Variants in RNF114 observed in about 807,000 individuals in gnomAD.
RNF114 encodes ring finger protein 114.
RNF114 carries 6 observed loss-of-function variants against 28.4 expected under a neutral mutation model. The observed-to-expected ratio is 0.21, with a 90% CI of 0.12 to 0.42. RNF114 has a LOEUF of 0.42. RNF114 is among the 10% of genes least tolerant of loss of function. The pLI is 1.00. For missense variants in RNF114, 249 were observed against 311.7 expected, an observed-to-expected ratio of 0.80 and a Z score of 1.51; for synonymous variants, 115 against 116.7, an observed-to-expected ratio of 0.99 and a Z score of 0.09.
At chr20:49,952,029 G>A in intron 5 of RNF114, 47 bp from the exon 6 acceptor site, 1 of 1,527,704 alleles carries the variant, frequency 6.5e-7, no homozygotes, top group Non-Finnish European at 9.1e-7. Context: ...GCCAGTCTTT[G>A]CATCTAGAAA....
intron 1 of RNF114, chr20:49,940,970 A>C (rs983894353): frequency 2.6e-5 from 4 of 151,748 alleles, no homozygotes; most frequent in African/African-American, 7.3e-5. Context: ...CAAACTCCTG[A>C]CCTCGTGATC....
rs1393320726 is a variant in RNF114 at position 49,952,266 on chromosome 20, G to C, written c.*125G>C. The C allele has an allele frequency of 7.8e-5, 67 of 862,568 alleles. 1 individual carries two copies. In the East Asian group the frequency reaches 1.6e-3, roughly 21 times the overall value. The allele number at this position is 862,568 out of a possible 1,614,324, so 53.4% of individuals were successfully genotyped here. The stretch of plus-strand genomic sequence containing the variant: ...GAAAATGAGCCATGGCATTGGGACA[G>C]GGTCACTTCTGACAGGGGAAGTGGG... On this transcript the variant is annotated 3_prime_UTR_variant, in exon 6 of 6. Coordinates refer to ENST00000244061, the MANE Select transcript of RNF114 (RefSeq NM_018683.4).
chr20:49,945,895 A>T (rs1338736137), intron 3 of RNF114, among the ~76,000 whole-genome samples: 1 of 152,118 alleles, frequency 6.6e-6, no homozygotes, highest in African/African-American at 2.4e-5. Context: ...TGAACTCCTG[A>T]TCTCAGGTGA....
intron 5 of RNF114, among the ~76,000 whole-genome samples, chr20:49,950,385 T>G (rs904283256): frequency 1.4e-4 from 22 of 151,790 alleles, no homozygotes; most frequent in Non-Finnish European, 2.9e-4. Context: ...TTATAGAACT[T>G]GGTTTGGGGA....
chr20:49,942,656 C>T (rs1052665267), intron 2 of RNF114, among the ~76,000 whole-genome samples: 3 of 152,088 alleles, frequency 2.0e-5, no homozygotes, highest in South Asian at 2.1e-4. Context: ...AACCTCGGCT[C>T]TACTGAAAAT....
At chr20:49,949,091 G>GT (rs1235033424) in intron 4 of RNF114, among the ~76,000 whole-genome samples, 157 bp from the exon 5 acceptor site, 3 of 152,138 alleles carry the variant, frequency 2.0e-5, no homozygotes, top group Non-Finnish European at 4.4e-5. Context: ...AATTTGCAGT[G>GT]TTTTTTTGGG....
intron 4 of RNF114, among the ~76,000 whole-genome samples, chr20:49,948,112 G>T (rs1046408060): frequency 6.6e-6 from 1 of 151,908 alleles, no homozygotes; most frequent in Non-Finnish European, 1.5e-5. Flanking sequence ...TTAACTCTGC[G>T]TTTCTCCCTT....
chr20:49,949,424 A>C (rs1427628142), intron 5 of RNF114, 69 bp downstream of exon 5: 4 of 1,312,624 alleles, frequency 3.0e-6, no homozygotes, highest in African/African-American at 1.5e-5. Context: ...TCTTCTCAAA[A>C]GGGGAAATGG....
intron 4 of RNF114, among the ~76,000 whole-genome samples, chr20:49,948,283 GT>G (rs2090342328): frequency 6.6e-6 from 1 of 152,078 alleles, no homozygotes; most frequent in African/African-American, 2.4e-5. Flanking sequence ...GTGGGGTAGG[GT>G]TCCACCTTTA....
intron 5 of RNF114, among the ~76,000 whole-genome samples, chr20:49,950,478 C>T (rs1189848733): frequency 6.6e-6 from 1 of 151,440 alleles, no homozygotes. Context: ...CTCAGGAGTT[C>T]GAGACCAGCC....
rs1467520351 is a variant in RNF114, at chr20:49,949,256, G to T, written c.522G>T (p.Pro174=). Residue 174 remains proline, a synonymous_variant, in exon 5 of 6, where the codon CCG becomes CCT. Transcript: ENST00000244061. The part of the protein sequence containing the change: ...HSTDTKSVVC[P]ICASMPWGDP... ...TGCTTTTGTGTTGAAAGGTTTGTCC[G>T]ATATGTGCCTCGATGCCCTGGGGAG... 1.2e-6 allele frequency: 2 copies of T among 1,614,062 alleles called. No homozygotes were observed. Among genetic ancestry groups the T allele is most frequent in the Admixed American group, 1.7e-5 (1 of 60,008 alleles).
intron 1 of RNF114, chr20:49,941,257 T>C: frequency 3.7e-6 from 1 of 270,068 alleles, no homozygotes; most frequent in Non-Finnish European, 6.9e-6. Flanking sequence ...AAGGAAAAAA[T>C]GGAGATTCAA....
rs1403779627 is a variant in RNF114, at chr20:49,946,257, A to C, written c.513+7A>C. ...CACGGATACCAAATCTGTGGTGAGT[A>C]ACCTTTTTTTTTTTTTTTAAACTTC... On this transcript the variant is annotated splice_region_variant and intron_variant, in intron 4 of 5. Coordinates refer to ENST00000244061, the MANE Select transcript of RNF114 (RefSeq NM_018683.4). 7.1e-7 allele frequency: 1 copy of C among 1,402,566 alleles called. No homozygotes were observed. Among genetic ancestry groups the C allele is most frequent in the Non-Finnish European group, 9.8e-7 (1 of 1,022,670 alleles). The allele number at this position is 1,402,566 out of a possible 1,614,324, so 86.9% of individuals were successfully genotyped here.
intron 2 of RNF114, among the ~76,000 whole-genome samples, chr20:49,943,496 G>C (rs2090315464): frequency 6.6e-6 from 1 of 151,918 alleles, no homozygotes. Flanking sequence ...AAAAAATTGA[G>C]GATTCCTCAG....
intron 2 of RNF114, chr20:49,944,042 T>C (rs980132027): frequency 6.6e-6 from 1 of 151,936 alleles, no homozygotes; most frequent in Admixed American, 6.6e-5. Context: ...CATCTTTATT[T>C]ATGCATGCAT....
intron 5 of RNF114, among the ~76,000 whole-genome samples, chr20:49,951,293 ATC>A (rs1257482940): frequency 3.3e-5 from 5 of 151,372 alleles, no homozygotes; most frequent in Non-Finnish European, 7.4e-5. Context: ...AATTACATTC[ATC>A]TGTGTCACAT....
In RNF114 at chr20:49,952,191, T is replaced by C. The variant is rs1469789247; in HGVS notation, c.*50T>C. The C allele has an allele frequency of 6.6e-7, 1 of 1,506,762 alleles. No homozygotes were observed. The highest frequency in any genetic ancestry group is 2.3e-5 in the East Asian group (1 of 44,366). 93.3% of individuals were successfully genotyped at this position (1,506,762 alleles called of 1,614,324 possible). ...CTCATGTTACAGAGCTTCCATTACA[T>C]ATTAAACGTGAAATCTATGACTCCT... On this transcript the variant is annotated 3_prime_UTR_variant, in exon 6 of 6. Transcript: ENST00000244061.
rs189867758 is a variant in RNF114 at position 49,936,458 on chromosome 20, G to C, written c.46G>C (p.Gly16Arg). ...RDCGGAAQLAGPAAEADPLGR... is the reference protein window; with the variant it reads ...RDCGGAAQLARPAAEADPLGR... ...CTGCGGGGGTGCTGCGCAGCTGGCG[G>C]GGCCGGCGGCGGAGGCTGACCCCCT... Residue 16 changes from glycine (G) to arginine (R), a missense_variant, in exon 1 of 6, where the codon GGG (glycine) becomes CGG (arginine). Gly to Arg is a moderately radical substitution (Grantham distance 125, BLOSUM62 -2). Coordinates refer to ENST00000244061, the MANE Select transcript of RNF114 (RefSeq NM_018683.4). The C allele has an allele frequency of 3.6e-4, 564 of 1,550,176 alleles. 1 individual carries two copies. Among genetic ancestry groups the C allele is most frequent in the Non-Finnish European group, 4.7e-4 (544 of 1,148,978 alleles).
chr20:49,943,833 TACACACACAC>T (rs1555857451), intron 2 of RNF114: 2 of 122,966 alleles, frequency 1.6e-5, no homozygotes, highest in African/African-American at 3.0e-5. Flanking sequence ...TATATATATA[TACACACACAC>T]ACACACACAC....
Sources: gnomAD v4.1 joint callset for allele counts (sites outside exome capture counted in the v4.1 genomes callset) on GRCh38, gnomAD v4.1.1 for gene constraint, MANE v1.5 for transcripts, NCBI Gene and HGNC (gene_info 2026-07-23, HGNC 2026-07-21) for gene names.